Variants in MRPL48 observed in about 807,000 individuals in gnomAD.
MRPL48 encodes mitochondrial ribosomal protein L48, also known as large ribosomal subunit protein mL48.
MRPL48 carries 16 observed loss-of-function variants against 32.9 expected under a neutral mutation model. The observed-to-expected ratio is 0.49, with a 90% CI of 0.33 to 0.74. The LOEUF is 0.74. Ranked by LOEUF, MRPL48 falls within the 30% of genes least tolerant of loss-of-function variation. The pLI is 0.02. For missense variants in MRPL48, 206 were observed against 245.3 expected, an observed-to-expected ratio of 0.84 and a Z score of 1.07; for synonymous variants, 94 against 89.2, an observed-to-expected ratio of 1.05 and a Z score of -0.31.
rs115722523 is a variant in MRPL48 at position 73,791,185 on chromosome 11, C to T, written c.21+3193C>T. 9.1e-3 allele frequency among the ~76,000 whole-genome samples: 1,379 copies of T among 151,418 alleles called. 18 individuals carry two copies. The highest frequency in any genetic ancestry group is 0.032 in the African/African-American group (1,308 of 41,282). On this transcript the variant is annotated intron_variant, in intron 1 of 7. Coordinates refer to ENST00000310614, the MANE Select transcript of MRPL48 (RefSeq NM_016055.6). ...CAGGCGTGTGCCACCATGCCTGGCC[C>T]GCTGCTTTTTCTTTTCTGAGTATTT...
intron 5 of MRPL48, among the ~76,000 whole-genome samples, chr11:73,851,383 C>A (rs1387310899): frequency 6.6e-6 from 1 of 152,146 alleles, no homozygotes; most frequent in African/African-American, 2.4e-5. Context: ...TATTTTAAGT[C>A]CTTCAGCCAA....
At chr11:73,817,711 A>G (rs569449852) in intron 3 of MRPL48, 3 of 226,332 alleles carry the variant, frequency 1.3e-5, no homozygotes, top group African/African-American at 7.0e-5. Flanking sequence ...ATAACTCACT[A>G]ATGTTGGCTC....
intron 3 of MRPL48, among the ~76,000 whole-genome samples, chr11:73,812,395 T>C (rs186984585): frequency 6.6e-6 from 1 of 152,306 alleles, no homozygotes; most frequent in Admixed American, 6.5e-5. Flanking sequence ...CTTGTTCCTG[T>C]ACATTTGTAA....
At chr11:73,817,307 T>A (rs1197116109) in intron 3 of MRPL48, among the ~76,000 whole-genome samples, 5 of 152,206 alleles carry the variant, frequency 3.3e-5, no homozygotes, top group African/African-American at 4.8e-5. Flanking sequence ...AACAACACTG[T>A]GATGAACATT....
At chr11:73,845,558 A>T (rs953030118) in intron 5 of MRPL48, among the ~76,000 whole-genome samples, 6 of 152,166 alleles carry the variant, frequency 3.9e-5, no homozygotes, top group South Asian at 2.1e-4. Context: ...GGATCACTTG[A>T]TCCCAGGAGT....
intron 6 of MRPL48, 70 bp downstream of exon 6, chr11:73,860,079 T>C: frequency 7.8e-6 from 10 of 1,288,398 alleles, no homozygotes; most frequent in Non-Finnish European, 1.1e-5. Flanking sequence ...CTTTTTCACT[T>C]TCTATTATGC....
chr11:73,815,892 ATT>A (rs71469473), intron 3 of MRPL48, among the ~76,000 whole-genome samples: 6 of 136,654 alleles, frequency 4.4e-5, no homozygotes, highest in Non-Finnish European at 6.3e-5. Context: ...CTTGACTTTT[ATT>A]TTTTTTTTTT....
intron 3 of MRPL48, among the ~76,000 whole-genome samples, chr11:73,819,353 G>A (rs546176158): frequency 6.6e-6 from 1 of 152,302 alleles, no homozygotes; most frequent in South Asian, 2.1e-4. Flanking sequence ...TCATCGCAAA[G>A]ATCCTTTTTG....
intron 4 of MRPL48, among the ~76,000 whole-genome samples, chr11:73,833,065 C>A (rs550304262): frequency 6.6e-6 from 1 of 152,202 alleles, no homozygotes; most frequent in Admixed American, 6.5e-5. Context: ...TAAATCCATA[C>A]AATTTTAAAA....
intron 4 of MRPL48, among the ~76,000 whole-genome samples, chr11:73,834,654 C>T (rs1201421956): frequency 6.6e-6 from 1 of 151,904 alleles, no homozygotes; most frequent in Non-Finnish European, 1.5e-5. Flanking sequence ...CTGCCTCAGC[C>T]TCCCGAGTAG....
chr11:73,864,217 C>T, intron 7 of MRPL48, 79 bp from the exon 8 acceptor site: 1 of 1,304,406 alleles, frequency 7.7e-7, no homozygotes, highest in Non-Finnish European at 1.1e-6. Flanking sequence ...GTTCAAGGGC[C>T]CTTTTTGGAT....
At chr11:73,792,210 C>T (rs1461143884) in intron 1 of MRPL48, among the ~76,000 whole-genome samples, 1 of 152,204 alleles carries the variant, frequency 6.6e-6, no homozygotes, top group Non-Finnish European at 1.5e-5. Flanking sequence ...TACTGATGAT[C>T]ATGATGGCAG....
At chr11:73,794,718 T>C (rs1947219377) in intron 1 of MRPL48, among the ~76,000 whole-genome samples, 1 of 151,876 alleles carries the variant, frequency 6.6e-6, no homozygotes. Flanking sequence ...CCAGCACTTG[T>C]GTTATGAGGG....
At chr11:73,812,204 T>A (rs1947578725) in intron 3 of MRPL48, among the ~76,000 whole-genome samples, 2 of 152,170 alleles carry the variant, frequency 1.3e-5, no homozygotes, top group South Asian at 4.1e-4. Flanking sequence ...CAATCTTAAC[T>A]CCCTCATGAT....
At position 73,844,826 on chromosome 11, in the gene MRPL48, A is replaced by G. The variant is rs770334355; in HGVS notation, c.221A>G (p.Lys74Arg). 1.2e-6 allele frequency: 2 copies of G among 1,613,244 alleles called. No individual in the cohort carries two copies. The highest frequency in any genetic ancestry group is 1.7e-6 in the Non-Finnish European group (2 of 1,179,768). The change falls in exon 5 of 8, where the codon AAA (lysine) becomes AGA (arginine). Residue 74 changes from lysine to arginine, a missense_variant. Lys to Arg is a conservative substitution (Grantham distance 26, BLOSUM62 2). Transcript: ENST00000310614. ...CTTCAGCCCAAGAAGAAGAAGGGAA[A>G]AGTGGAAGTGAGAGCCATTAATTTG... is the stretch of plus-strand genomic sequence containing the variant. ...KAEEPKKKKG[K>R]VEVRAINLGT...
chr11:73,810,380 G>A (rs1375869019), intron 3 of MRPL48, among the ~76,000 whole-genome samples: 1 of 152,060 alleles, frequency 6.6e-6, no homozygotes, highest in Non-Finnish European at 1.5e-5. Context: ...AATTAGCCGG[G>A]CATGGTGGAG....
At chr11:73,829,043 C>T (rs1947948676) in intron 4 of MRPL48, among the ~76,000 whole-genome samples, 2 of 152,148 alleles carry the variant, frequency 1.3e-5, no homozygotes, top group African/African-American at 2.4e-5. Flanking sequence ...ATGTCATGCT[C>T]TGACCCACTC....
At chr11:73,793,719 G>A (rs1230686750) in intron 1 of MRPL48, among the ~76,000 whole-genome samples, 1 of 152,064 alleles carries the variant, frequency 6.6e-6, no homozygotes, top group Non-Finnish European at 1.5e-5. Context: ...AGTGAGAATT[G>A]AGGTAAGGGA....
chr11:73,850,391 C>T, intron 5 of MRPL48: 1 of 202,534 alleles, frequency 4.9e-6, no homozygotes, highest in Non-Finnish European at 1.0e-5. Context: ...AGGAAGCCTG[C>T]CCTCTTGATA....
Sources: gnomAD v4.1 joint callset for allele counts (sites outside exome capture counted in the v4.1 genomes callset) on GRCh38, gnomAD v4.1.1 for gene constraint, MANE v1.5 for transcripts, NCBI Gene and HGNC (gene_info 2026-07-23, HGNC 2026-07-21) for gene names.